Variants in CDH13 observed in about 807,000 individuals in gnomAD.
CDH13 encodes the protein cadherin-13.
Under a neutral mutation model 63.8 loss-of-function variants are expected in CDH13, and 24 were observed. That is an observed-to-expected ratio of 0.38 (90% confidence interval 0.27 to 0.53). CDH13 has a LOEUF of 0.53. CDH13 is among the 20% of genes least tolerant of loss of function. The pLI, the probability that CDH13 is intolerant of heterozygous loss-of-function variation, is 0.85. For missense variants in CDH13, 1,049 were observed against 903.1 expected, an observed-to-expected ratio of 1.16 and a Z score of -2.07; for synonymous variants, 503 against 355.3, an observed-to-expected ratio of 1.42 and a Z score of -4.67.
intron 10 of CDH13, chr16:83,739,780 T>G (rs949608859): frequency 3.3e-5 from 5 of 152,208 alleles, no homozygotes; most frequent in Non-Finnish European, 7.3e-5. Flanking sequence ...TAAAGAAGGT[T>G]TCTACTCTCA....
intron 3 of CDH13, among the ~76,000 whole-genome samples, chr16:83,084,665 G>C (rs929795811): frequency 6.6e-5 from 10 of 152,244 alleles, no homozygotes; most frequent in Non-Finnish European, 1.5e-4. Context: ...GAGGTGGGTG[G>C]ATCACCTGAG....
At position 83,145,572 on chromosome 16, in the gene CDH13, C is replaced by G. The variant is rs187316726; in HGVS notation, c.483+20071C>G. Among the ~76,000 whole-genome samples the G allele has an allele frequency of 3.6e-3, 547 of 152,320 alleles. 5 individuals carry two copies. The highest frequency in any genetic ancestry group is 0.011 in the African/African-American group (473 of 41,560). On this transcript the variant is annotated intron_variant, in intron 4 of 13. Transcript: ENST00000567109. The stretch of plus-strand genomic sequence containing the variant: ...AGTTCTGCAAATGGAAACAAACACG[C>G]CATCATTCAGGGTCCCACTTTGATA...
chr16:83,336,030 G>A (rs568520033), intron 5 of CDH13, among the ~76,000 whole-genome samples: 38 of 152,194 alleles, frequency 2.5e-4, no homozygotes, highest in Non-Finnish European at 3.7e-4. Context: ...GCCAGGCATG[G>A]TAGCTCACAC....
intron 2 of CDH13, among the ~76,000 whole-genome samples, chr16:82,871,429 G>C (rs569310119): frequency 1.3e-5 from 2 of 152,090 alleles, no homozygotes; most frequent in African/African-American, 4.8e-5. Context: ...TGTTATTGGG[G>C]AGCACTTGAA....
chr16:82,889,119 T>G (rs76838191), intron 2 of CDH13, among the ~76,000 whole-genome samples: 265 of 152,374 alleles, frequency 1.7e-3, no homozygotes, highest in African/African-American at 6.1e-3. Flanking sequence ...CTTAACCTTA[T>G]TTTCAATCAC....
intron 10 of CDH13, among the ~76,000 whole-genome samples, chr16:83,696,395 GGGGC>G (rs1358982657): frequency 6.6e-6 from 1 of 152,040 alleles, no homozygotes; most frequent in Admixed American, 6.6e-5. Flanking sequence ...CTTTGTGTCT[GGGGC>G]TTCTTTTGAA....
intron 5 of CDH13, among the ~76,000 whole-genome samples, chr16:83,276,539 C>T (rs1409249375): frequency 2.0e-5 from 3 of 152,162 alleles, no homozygotes; most frequent in African/African-American, 7.2e-5. Context: ...TTTCCCATGG[C>T]TGGGGAGGCC....
At chr16:83,611,418 A>AT (rs535039378) in intron 8 of CDH13, among the ~76,000 whole-genome samples, 5 of 149,552 alleles carry the variant, frequency 3.3e-5, no homozygotes, top group African/African-American at 9.8e-5. Context: ...TGTCCATTTC[A>AT]TTTTTTTTCT....
chr16:82,784,405 G>A (rs1597570003), intron 1 of CDH13, among the ~76,000 whole-genome samples: 1 of 152,182 alleles, frequency 6.6e-6, no homozygotes, highest in East Asian at 1.9e-4. Context: ...GGGCAATGAG[G>A]AAATGTGGTC....
chr16:83,702,873 C>T (rs976035075), intron 10 of CDH13, among the ~76,000 whole-genome samples: 2 of 152,208 alleles, frequency 1.3e-5, no homozygotes, highest in Admixed American at 1.3e-4. Context: ...GCTTGGGCTG[C>T]ACACATATTA....
At chr16:83,174,378 T>G (rs2038041089) in intron 4 of CDH13, among the ~76,000 whole-genome samples, 1 of 152,156 alleles carries the variant, frequency 6.6e-6, no homozygotes, top group African/African-American at 2.4e-5. Flanking sequence ...TTAATTTGTC[T>G]TTCCAATATA....
At chr16:83,037,563 A>T (rs772303101) in intron 3 of CDH13, among the ~76,000 whole-genome samples, 1 of 152,150 alleles carries the variant, frequency 6.6e-6, no homozygotes, top group African/African-American at 2.4e-5. Flanking sequence ...GAGGATGGAG[A>T]TGAATTGGAC....
At chr16:82,930,348 A>G (rs933365910) in intron 2 of CDH13, among the ~76,000 whole-genome samples, 6 of 152,232 alleles carry the variant, frequency 3.9e-5, no homozygotes, top group Middle Eastern at 3.4e-3. Flanking sequence ...CTTTTTGAAT[A>G]CTGTAATAGA....
chr16:83,437,183 G>C (rs2072330927), intron 6 of CDH13, among the ~76,000 whole-genome samples: 1 of 152,070 alleles, frequency 6.6e-6, no homozygotes, highest in South Asian at 2.1e-4. Flanking sequence ...ACAGAGTCCA[G>C]AAGGTGACTC....
intron 7 of CDH13, among the ~76,000 whole-genome samples, chr16:83,588,008 A>G (rs1906338183): frequency 6.6e-6 from 1 of 150,688 alleles, no homozygotes; most frequent in Non-Finnish European, 1.5e-5. Context: ...CCCAGTTGTC[A>G]TACCATAACA....
intron 4 of CDH13, among the ~76,000 whole-genome samples, chr16:83,211,743 A>G (rs1281459824): frequency 1.4e-5 from 2 of 147,848 alleles, no homozygotes; most frequent in Non-Finnish European, 2.9e-5. Flanking sequence ...GGTCCCAGCT[A>G]TGCGACGCCC....
At chr16:83,534,649 G>A (rs1267890652) in intron 7 of CDH13, among the ~76,000 whole-genome samples, 6 of 152,212 alleles carry the variant, frequency 3.9e-5, no homozygotes, top group Non-Finnish European at 8.8e-5. Flanking sequence ...GATAGCAGAG[G>A]TCAGCACTTC....
At chr16:82,796,719 C>T (rs896171747) in intron 1 of CDH13, among the ~76,000 whole-genome samples, 1 of 152,216 alleles carries the variant, frequency 6.6e-6, no homozygotes, top group Admixed American at 6.5e-5. Flanking sequence ...ATTCTTGGAG[C>T]TTCTTTGCTG....
intron 1 of CDH13, among the ~76,000 whole-genome samples, chr16:82,758,225 G>C (rs932085155): frequency 4.6e-5 from 7 of 151,588 alleles, no homozygotes; most frequent in African/African-American, 1.7e-4. Context: ...TGAGCTATGA[G>C]AAAAAAAAGG....
Sources: allele counts gnomAD v4.1 joint callset (sites outside exome capture counted in the v4.1 genomes callset), GRCh38; gene constraint gnomAD v4.1.1; transcripts MANE v1.5; gene names NCBI Gene and HGNC (gene_info 2026-07-23, HGNC 2026-07-21).